The following FLOT1 variants were observed in gnomAD, a reference collection of about 807,000 sequenced individuals.
FLOT1 encodes the protein flotillin 1, also known as flotillin-1.
A neutral mutation model predicts 58.4 loss-of-function variants in FLOT1; 40 were observed. That is an observed-to-expected ratio of 0.69 (90% CI 0.53 to 0.89). FLOT1 has a LOEUF of 0.89. Among genes scored for constraint, FLOT1 ranks in the 40% least tolerant of loss-of-function variants. The pLI is 0.00. For missense variants in FLOT1, 423 were observed against 540.8 expected (o/e 0.78, Z 2.16); for synonymous variants, 178 against 204.2 (o/e 0.87, Z 1.09).
In FLOT1 at chr6:30,730,517, C is replaced by T. The variant is rs752367378; in HGVS notation, c.1000G>A (p.Glu334Lys). 5 of 1,610,904 alleles carry T rather than the reference C, an allele frequency of 3.1e-6. No homozygotes were observed. The Admixed American group carries it at 6.7e-5, about 22-fold the overall frequency. Residue 334 changes from glutamate to lysine, a missense_variant, in exon 11 of 13, where the codon GAG becomes AAG. Glu to Lys is a moderately conservative substitution (Grantham distance 56, BLOSUM62 1). Coordinates refer to ENST00000376389, the MANE Select transcript of FLOT1 (RefSeq NM_005803.4). ...AFAIGARARA[E>K]AEQMAKKAEA... ...GCCTTCTTGGCCATCTGCTCAGCCT[C>T]GGCTCGGGCTCGGGCCCCTATGGCA...
At chr6:30,730,393 T>C in intron 11 of FLOT1, 35 bp downstream of exon 11, 1 of 1,540,988 alleles carries the variant, frequency 6.5e-7, no homozygotes, top group East Asian at 2.3e-5. Context: ...CTGGTTCTAT[T>C]TCCTCCTTTC....
intron 8 of FLOT1, among the ~76,000 whole-genome samples, chr6:30,733,158 C>T (rs1777318155): frequency 6.6e-6 from 1 of 152,078 alleles, no homozygotes; most frequent in Non-Finnish European, 1.5e-5. Context: ...GCCTCAGCCT[C>T]CCATGTATCT....
At chr6:30,728,238 A>T in intron 12 of FLOT1, 93 bp from the exon 13 acceptor site, 1 of 1,039,702 alleles carries the variant, frequency 9.6e-7, no homozygotes, top group Non-Finnish European at 1.5e-6. Context: ...AATGGGCTAT[A>T]GGCAGAACAC....
At chr6:30,734,099 C>A (rs150851961) in intron 8 of FLOT1, among the ~76,000 whole-genome samples, 33 of 148,948 alleles carry the variant, frequency 2.2e-4, no homozygotes, top group African/African-American at 7.9e-4. Context: ...TTGAAGCCTG[C>A]CTCTTTGAGA....
At position 30,742,055 on chromosome 6, in the gene FLOT1, C is replaced by G. The variant is rs764144962; in HGVS notation, c.43+92G>C. 7.2e-7 allele frequency: 1 copy of G among 1,389,712 alleles called. No individual in the cohort carries two copies. Among genetic ancestry groups the G allele is most frequent in the Non-Finnish European group, 1.0e-6 (1 of 983,754 alleles). The allele number at this position is 1,389,712 out of a possible 1,614,324, so 86.1% of individuals were successfully genotyped here. A position where few individuals can be genotyped will look rare whatever the true frequency, so the allele number is the denominator to read the frequency against. Reference sequence around the variant, plus strand: ...GCCATCAAGGGGCAGAAGTCTGGTGCTGGGAAGTTGGTAGGGAGAGGGAGA... The same window carrying G: ...GCCATCAAGGGGCAGAAGTCTGGTGGTGGGAAGTTGGTAGGGAGAGGGAGA... On this transcript the variant is annotated intron_variant, in intron 2 of 12. Coordinates refer to ENST00000376389, the MANE Select transcript of FLOT1 (RefSeq NM_005803.4). This position sits in a 1 kb window ranked among gnomAD's most constrained non-coding sequence, Gnocchi z 5.2.
chr6:30,732,956 T>A (rs1777304297), intron 8 of FLOT1, among the ~76,000 whole-genome samples: 1 of 152,212 alleles, frequency 6.6e-6, no homozygotes, highest in Non-Finnish European at 1.5e-5. Flanking sequence ...CACCTTTTGG[T>A]GAAACTCAAC....
In FLOT1 at chr6:30,730,429, TG is replaced by T. The variant is rs1562174418; in HGVS notation, c.1087del (p.Gln363ArgfsTer10). On this transcript the variant is annotated frameshift_variant and splice_region_variant, in exon 11 of 13. Coordinates refer to ENST00000376389, the MANE Select transcript of FLOT1 (RefSeq NM_005803.4). LOFTEE classifies it high-confidence loss of function. ...QLDMLLEKLPQVAEEISGPLT... is the reference protein window; with the variant it reads ...QLDMLLEKLPXVAEEISGPLT... ...TTGGTGCCCACATGACCTCCAGACCTGGGGCAGCTTCTCTAGCAGCATGTCC... is the reference window on the plus strand; with the variant it reads ...TTGGTGCCCACATGACCTCCAGACCTGGGCAGCTTCTCTAGCAGCATGTCC... The T allele has an allele frequency of 6.4e-7, 1 of 1,565,764 alleles. No homozygotes were observed. Among genetic ancestry groups the T allele is most frequent in the Non-Finnish European group, 8.7e-7 (1 of 1,154,200 alleles).
At chr6:30,734,619 T>C (rs1482541979) in intron 8 of FLOT1, among the ~76,000 whole-genome samples, 1 of 152,130 alleles carries the variant, frequency 6.6e-6, no homozygotes, top group Non-Finnish European at 1.5e-5. Flanking sequence ...GCTTGACTCT[T>C]ATTAGTCCCT....
chr6:30,741,505 C>T lies in FLOT1; in HGVS notation c.210+109G>A. ...GGAAAAGATGAGACTAGCAGAGGAA[C>T]TTCTCTGCAGGCAAGGGTTGAGAAG... On this transcript the variant is annotated intron_variant, in intron 4 of 12. Transcript: ENST00000376389. This position sits in a 1 kb window ranked among gnomAD's most constrained non-coding sequence, Gnocchi z 5.9. The T allele has an allele frequency of 8.0e-7, 1 of 1,245,608 alleles. No homozygotes were observed. The highest frequency in any genetic ancestry group is 1.5e-5 in the African/African-American group (1 of 67,364). 77.2% of individuals were successfully genotyped at this position (1,245,608 alleles called of 1,614,324 possible).
At chr6:30,729,974 C>T in intron 12 of FLOT1, 48 bp downstream of exon 12, 1 of 1,558,466 alleles carries the variant, frequency 6.4e-7, no homozygotes, top group Non-Finnish European at 8.8e-7. Flanking sequence ...CTGTGTCACA[C>T]AACACAGGAA....
At position 30,742,355 on chromosome 6, in the gene FLOT1, C is replaced by T; in HGVS notation, c.-14-152G>A. The T allele has an allele frequency of 1.5e-6, 1 of 649,508 alleles. No homozygotes were observed. Among genetic ancestry groups the T allele is most frequent in the Non-Finnish European group, 2.8e-6 (1 of 360,460 alleles). 40.2% of individuals were successfully genotyped at this position (649,508 alleles called of 1,614,324 possible). A position where few individuals can be genotyped will look rare whatever the true frequency, so the allele number is the denominator to read the frequency against. On this transcript the variant is annotated intron_variant, in intron 1 of 12. Transcript: ENST00000376389. The surrounding 1 kb of genome is among the most constrained non-coding windows in gnomAD (Gnocchi z 5.2). The stretch of plus-strand genomic sequence containing the variant: ...ACCCATGGGTCCGCTAAGGCTTTTC[C>T]CTACAAAATCCTTAAGATCCCCAGC...
At chr6:30,736,889 G>A (rs935855757) in intron 8 of FLOT1, among the ~76,000 whole-genome samples, 2 of 151,760 alleles carry the variant, frequency 1.3e-5, no homozygotes, top group African/African-American at 2.4e-5. Flanking sequence ...CACCGCACCC[G>A]GCCTTGCTTC....
chr6:30,727,894 A>C lies in FLOT1; in HGVS notation c.*222T>G, dbSNP rs1776842158. ...GGTGGGGTGGAGTGGGATCATCAGAAGGCTGACATGGGACCGCTGGAGTTG... is the reference window on the plus strand; with the variant it reads ...GGTGGGGTGGAGTGGGATCATCAGACGGCTGACATGGGACCGCTGGAGTTG... On this transcript the variant is annotated 3_prime_UTR_variant, in exon 13 of 13. Coordinates refer to ENST00000376389, the MANE Select transcript of FLOT1 (RefSeq NM_005803.4). 1.6e-6 allele frequency: 1 copy of C among 609,984 alleles called. No individual in the cohort carries two copies. The highest frequency in any genetic ancestry group is 1.9e-5 in the South Asian group (1 of 52,348). 37.8% of individuals were successfully genotyped at this position (609,984 alleles called of 1,614,324 possible). A position where few individuals can be genotyped will look rare whatever the true frequency, so the allele number is the denominator to read the frequency against.
chr6:30,731,829 A>T (rs1777226676), intron 8 of FLOT1, among the ~76,000 whole-genome samples: 1 of 152,136 alleles, frequency 6.6e-6, no homozygotes, highest in Non-Finnish European at 1.5e-5. Context: ...GTGAACCACG[A>T]GGCTTCTTCC....
chr6:30,728,364 C>T (rs964763501), intron 12 of FLOT1, among the ~76,000 whole-genome samples: 1 of 152,170 alleles, frequency 6.6e-6, no homozygotes, highest in Non-Finnish European at 1.5e-5. Context: ...TGTTTGCACA[C>T]TCTCCTTAGC....
At position 30,741,934 on chromosome 6, in the gene FLOT1, G is replaced by A; in HGVS notation, c.44-67C>T. 1.4e-6 allele frequency: 2 copies of A among 1,466,608 alleles called. No individual in the cohort carries two copies. Among genetic ancestry groups the A allele is most frequent in the Non-Finnish European group, 1.9e-6 (2 of 1,051,404 alleles). The allele number at this position is 1,466,608 out of a possible 1,614,324, so 90.8% of individuals were successfully genotyped here. A position where few individuals can be genotyped will look rare whatever the true frequency, so the allele number is the denominator to read the frequency against. ...ATGTGGAAGACTGAGGAACTGGCGG[G>A]GGTGAGGGGACAGCAACCCACAGGA... On this transcript the variant is annotated intron_variant, in intron 2 of 12. Coordinates refer to ENST00000376389, the MANE Select transcript of FLOT1 (RefSeq NM_005803.4). This position sits in a 1 kb window ranked among gnomAD's most constrained non-coding sequence, Gnocchi z 5.9.
Position 30,731,049 on chromosome 6 carries a change from C to T in FLOT1, c.775G>A (p.Val259Met), listed in dbSNP as rs149283777. Reference protein sequence around the residue: ...IEEQRVQVQVVERAQQVAVQE... With the variant: ...IEEQRVQVQVMERAQQVAVQE... ...ACTGCCACCTGCTGGGCCCGCTCCACCACCTGCACCTGCACCCGCTGCTCC... is the reference window on the plus strand; with the variant it reads ...ACTGCCACCTGCTGGGCCCGCTCCATCACCTGCACCTGCACCCGCTGCTCC... The change falls in exon 9 of 13, where the codon GTG becomes ATG. Residue 259 changes from valine (V) to methionine (M), a missense_variant. Physicochemically the swap from Val to Met is conservative, Grantham distance 21 (BLOSUM62 1). Transcript: ENST00000376389. 417 of 1,611,444 alleles carry T rather than the reference C, an allele frequency of 2.6e-4. 1 individual carries two copies. The Middle Eastern group carries it at 4.0e-3, about 15-fold the overall frequency.
chr6:30,732,737 C>T (rs959965985), intron 8 of FLOT1, among the ~76,000 whole-genome samples: 2 of 152,100 alleles, frequency 1.3e-5, no homozygotes. Context: ...GTGATGCTTC[C>T]CCTGCCTCCT....
rs754036569 is a variant in FLOT1, at chr6:30,741,844, T to A, written c.67A>T (p.Met23Leu). 11 of 1,612,724 alleles carry A rather than the reference T, an allele frequency of 6.8e-6. No individual in the cohort carries two copies. The highest frequency in any genetic ancestry group is 1.7e-4 in the Middle Eastern group (1 of 5,918). ...ACAAAGACACGCCCTCCAGCCACCA[T>A]GACTGGGGGGCTTCGGCAGAACCCT... is the stretch of plus-strand genomic sequence containing the variant. ...VSGFCRSPPV[M>L]VAGGRVFVLP... The change falls in exon 3 of 13, where the codon ATG becomes TTG. Residue 23 changes from methionine to leucine, a missense_variant. Around this residue, in one of 6 missense-constraint regions of FLOT1, gnomAD observed 91 missense variants for 118.3 expected, o/e 0.77. Transcript: ENST00000376389. This position sits in a 1 kb window ranked among gnomAD's most constrained non-coding sequence, Gnocchi z 5.9.
Sources: allele counts gnomAD v4.1 joint callset (sites outside exome capture counted in the v4.1 genomes callset), GRCh38; gene constraint gnomAD v4.1.1; regional missense constraint gnomAD v4.1.1; non-coding constraint Gnocchi (gnomAD v3.1); transcripts MANE v1.5; gene names NCBI Gene and HGNC (gene_info 2026-07-23, HGNC 2026-07-21).